The following GABRB3 variants were observed in gnomAD, a reference collection of about 807,000 sequenced individuals.
GABRB3 encodes gamma-aminobutyric acid receptor subunit beta-3.
Under a neutral mutation model 52.1 loss-of-function variants are expected in GABRB3, and 14 were observed. That is an observed-to-expected ratio of 0.27 (90% confidence interval 0.18 to 0.42). GABRB3 has a LOEUF of 0.42. GABRB3 is among the 10% of genes least tolerant of loss of function. The pLI, the probability that GABRB3 is intolerant of heterozygous loss-of-function variation, is 1.00. For synonymous variants in GABRB3, 260 were observed against 232.3 expected (o/e 1.12, Z -1.08); for missense variants, 307 against 609.1 (o/e 0.50, Z 5.22).
chr15:26,772,585 G>C, intron 2 of GABRB3, 96 bp downstream of exon 2: 1 of 1,422,226 alleles, frequency 7.0e-7, no homozygotes, highest in Non-Finnish European at 9.5e-7. Flanking sequence ...ACTCCCACCC[G>C]CCGCTGCTCC....
chr15:26,616,172 TG>T, intron 4 of GABRB3: 1 of 986,766 alleles, frequency 1.0e-6, no homozygotes, highest in Non-Finnish European at 1.4e-6. Context: ...GGAGGGAAGG[TG>T]GGCCTTGGGG....
At chr15:26,706,007 C>T (rs910002351) in intron 3 of GABRB3, among the ~76,000 whole-genome samples, 1 of 152,108 alleles carries the variant, frequency 6.6e-6, no homozygotes, top group African/African-American at 2.4e-5. Flanking sequence ...ATGCAATATA[C>T]CCTTGTAACA....
chr15:26,551,317 G>C (rs988607080), intron 8 of GABRB3, among the ~76,000 whole-genome samples: 1 of 152,232 alleles, frequency 6.6e-6, no homozygotes, highest in African/African-American at 2.4e-5. Context: ...AGAGAGTGCA[G>C]AGAGGGGCCC....
chr15:26,754,394 C>T (rs1890599275), intron 3 of GABRB3, among the ~76,000 whole-genome samples: 1 of 152,160 alleles, frequency 6.6e-6, no homozygotes, highest in Non-Finnish European at 1.5e-5. Context: ...GAAGTCCCTT[C>T]TGAGCAGATT....
chr15:26,736,266 A>AT (rs1890063623), intron 3 of GABRB3, among the ~76,000 whole-genome samples: 1 of 152,218 alleles, frequency 6.6e-6, no homozygotes, highest in Non-Finnish European at 1.5e-5. Context: ...TAAATAAATA[A>AT]TTTTTTAAAT....
At chr15:26,662,314 T>C (rs1397027113) in intron 3 of GABRB3, among the ~76,000 whole-genome samples, 2 of 152,144 alleles carry the variant, frequency 1.3e-5, no homozygotes, top group Non-Finnish European at 2.9e-5. Flanking sequence ...TGACAGGATA[T>C]AAAGGGTTAA....
intron 3 of GABRB3, among the ~76,000 whole-genome samples, chr15:26,721,261 CAGG>C (rs1199634287): frequency 6.6e-6 from 1 of 152,070 alleles, no homozygotes; most frequent in Non-Finnish European, 1.5e-5. Flanking sequence ...AAACTGCAGG[CAGG>C]AGAAGCTCTG....
At chr15:26,772,638 CGTGGGTCGCG>C (rs1566838055) in intron 2 of GABRB3, 33 bp downstream of exon 2, 1 of 1,507,000 alleles carries the variant, frequency 6.6e-7, no homozygotes, top group South Asian at 1.2e-5. Flanking sequence ...CCGCCGCCGC[CGTGGGTCGCG>C]CTTCCCGCAA....
At chr15:26,710,394 TG>T (rs1889255089) in intron 3 of GABRB3, among the ~76,000 whole-genome samples, 1 of 152,214 alleles carries the variant, frequency 6.6e-6, no homozygotes, top group Admixed American at 6.5e-5. Flanking sequence ...CTCCAGTAGC[TG>T]GGATTACAGG....
At chr15:26,667,987 G>C (rs1487059840) in intron 3 of GABRB3, among the ~76,000 whole-genome samples, 1 of 152,160 alleles carries the variant, frequency 6.6e-6, no homozygotes, top group Non-Finnish European at 1.5e-5. Flanking sequence ...GTTTGAGGAA[G>C]ATAATTCCAG....
chr15:26,744,387 C>A (rs1032565673), intron 3 of GABRB3, among the ~76,000 whole-genome samples: 8 of 151,768 alleles, frequency 5.3e-5, no homozygotes, highest in Non-Finnish European at 1.0e-4. Context: ...TTAATAACTA[C>A]AGTGGAAATC....
intron 8 of GABRB3, among the ~76,000 whole-genome samples, chr15:26,551,395 C>G (rs144593720): frequency 2.6e-5 from 4 of 152,156 alleles, no homozygotes; most frequent in African/African-American, 9.7e-5. Context: ...GCCTGAAGCC[C>G]GTGAATAACT....
chr15:26,734,154 C>T (rs988501595), intron 3 of GABRB3, among the ~76,000 whole-genome samples: 1 of 150,828 alleles, frequency 6.6e-6, no homozygotes, highest in Admixed American at 6.6e-5. Flanking sequence ...CTCAGTATCT[C>T]GAGTAGCTGG....
chr15:26,677,569 G>A (rs1295557551), intron 3 of GABRB3, among the ~76,000 whole-genome samples: 1 of 152,026 alleles, frequency 6.6e-6, no homozygotes, highest in Non-Finnish European at 1.5e-5. Flanking sequence ...CCAATTTCTG[G>A]GGATCCAGAA....
chr15:26,569,810 T>C (rs151269036), intron 6 of GABRB3, among the ~76,000 whole-genome samples: 2 of 152,374 alleles, frequency 1.3e-5, no homozygotes, highest in East Asian at 1.9e-4. Flanking sequence ...CTCTTATAAA[T>C]AGTTTTTGCT....
At chr15:26,726,037 T>C (rs1889762216) in intron 3 of GABRB3, among the ~76,000 whole-genome samples, 1 of 152,144 alleles carries the variant, frequency 6.6e-6, no homozygotes, top group East Asian at 1.9e-4. Flanking sequence ...GTGGGTGTGC[T>C]ACTATGGGGG....
At chr15:26,753,923 T>C (rs1297553308) in intron 3 of GABRB3, among the ~76,000 whole-genome samples, 1 of 152,016 alleles carries the variant, frequency 6.6e-6, no homozygotes. Context: ...AAAGATGGGA[T>C]GTTAGGATGA....
intron 3 of GABRB3, among the ~76,000 whole-genome samples, chr15:26,711,618 C>T (rs930078415): frequency 2.0e-5 from 3 of 152,108 alleles, no homozygotes; most frequent in Non-Finnish European, 4.4e-5. Flanking sequence ...TGAGCCTTAG[C>T]GTACAAAGCC....
At chr15:26,659,122 T>G (rs1171051348) in intron 3 of GABRB3, among the ~76,000 whole-genome samples, 1 of 152,208 alleles carries the variant, frequency 6.6e-6, no homozygotes, top group South Asian at 2.1e-4. Flanking sequence ...CCTGGGAGGT[T>G]GTTGGAGGCA....
Sources: allele counts gnomAD v4.1 joint callset (sites outside exome capture counted in the v4.1 genomes callset), GRCh38; gene constraint gnomAD v4.1.1; transcripts MANE v1.5; gene names NCBI Gene and HGNC (gene_info 2026-07-23, HGNC 2026-07-21).